Variants in DMD observed in about 807,000 individuals in gnomAD.
DMD encodes the protein dystrophin, also known as mutant dystrophin.
Under a neutral mutation model 330.1 loss-of-function variants are expected in DMD, and 63 were observed. The observed-to-expected ratio is 0.19, with a 90% confidence interval of 0.16 to 0.24. The LOEUF (loss-of-function observed/expected upper bound fraction) is 0.24. Ranked by LOEUF, DMD falls within the 10% of genes least tolerant of loss-of-function variation. The pLI is 1.00. For synonymous variants in DMD, 1,223 were observed against 959.8 expected (o/e 1.27, Z -5.07); for missense variants, 3,344 against 2,684.1 (o/e 1.25, Z -5.43).
At chrX:31,699,959 G>A (rs1462626798) in intron 52 of DMD, among the ~76,000 whole-genome samples, 1 of 111,205 alleles carries the variant, frequency 9.0e-6, no homozygotes, top group Non-Finnish European at 1.9e-5. Context: ...AGGCCGAGGT[G>A]AACGGATCAT....
At chrX:33,039,097 A>G (rs1434258211) in intron 1 of DMD, among the ~76,000 whole-genome samples, 1 of 112,061 alleles carries the variant, frequency 8.9e-6, no homozygotes, top group East Asian at 2.8e-4. Flanking sequence ...CCCGTAGCCT[A>G]TGGGGGTTTC....
At chrX:31,180,582 GA>G (rs753062877) in intron 68 of DMD, 101 bp from the exon 69 acceptor site, 10 of 616,108 alleles carry the variant, frequency 1.6e-5, no homozygotes, top group East Asian at 1.4e-4. Flanking sequence ...TTGAGAAACA[GA>G]AAGCAATGTT....
At chrX:31,213,543 G>C (rs979035851) in intron 64 of DMD, among the ~76,000 whole-genome samples, 2 of 111,970 alleles carry the variant, frequency 1.8e-5, no homozygotes, top group Non-Finnish European at 3.8e-5. Context: ...ATGCATCGTG[G>C]TGTGGCTCTT....
intron 34 of DMD, among the ~76,000 whole-genome samples, chrX:32,373,421 T>C (rs1420800412): frequency 2.8e-5 from 3 of 108,700 alleles, no homozygotes; most frequent in Non-Finnish European, 5.8e-5. Context: ...GGCCACATAG[T>C]AGTTGTTCTA....
intron 44 of DMD, among the ~76,000 whole-genome samples, chrX:32,184,948 C>CT (rs1448810064): frequency 9.3e-6 from 1 of 107,155 alleles, no homozygotes; most frequent in African/African-American, 3.4e-5. Context: ...CTTGGAATGC[C>CT]TTCATGTACT....
intron 1 of DMD, among the ~76,000 whole-genome samples, chrX:33,209,666 C>T (rs915076258): frequency 2.7e-5 from 3 of 111,012 alleles, no homozygotes; most frequent in African/African-American, 9.8e-5. Flanking sequence ...AGTATATCTC[C>T]GTTTTTTCTT....
intron 9 of DMD, among the ~76,000 whole-genome samples, chrX:32,652,651 C>A (rs764067909): frequency 9.0e-6 from 1 of 110,918 alleles, no homozygotes; most frequent in South Asian, 3.9e-4. Flanking sequence ...GGAATATACC[C>A]AGTAATGGGT....
At chrX:33,155,256 A>G (rs1234218764) in intron 1 of DMD, among the ~76,000 whole-genome samples, 1 of 111,084 alleles carries the variant, frequency 9.0e-6, no homozygotes, top group Admixed American at 9.6e-5. Flanking sequence ...CACACTATTA[A>G]TAATCTTCAC....
chrX:32,240,440 C>T (rs1433146533), intron 43 of DMD, among the ~76,000 whole-genome samples: 1 of 111,010 alleles, frequency 9.0e-6, no homozygotes, highest in Non-Finnish European at 1.9e-5. Context: ...AGGAAATGAG[C>T]TTTCACCAGA....
At chrX:32,981,406 T>C (rs1161969456) in intron 2 of DMD, among the ~76,000 whole-genome samples, 2 of 111,571 alleles carry the variant, frequency 1.8e-5, no homozygotes, top group African/African-American at 6.5e-5. Flanking sequence ...TTCAATTTTA[T>C]GCGGTTCATA....
chrX:32,618,031 T>C (rs73463792), intron 11 of DMD, among the ~76,000 whole-genome samples: 7,764 of 111,444 alleles, frequency 0.07, 649 homozygotes, highest in African/African-American at 0.24. Context: ...ATCAGCTTAC[T>C]TGCAAAGAAA....
At chrX:33,272,551 GAT>G (rs917385366) in intron 1 of DMD, among the ~76,000 whole-genome samples, 1 of 111,069 alleles carries the variant, frequency 9.0e-6, no homozygotes, top group African/African-American at 3.3e-5. Context: ...AATATTCTGA[GAT>G]AGAGCTAAAG....
chrX:31,326,728 G>C (rs1245478205), intron 61 of DMD, among the ~76,000 whole-genome samples: 2 of 111,493 alleles, frequency 1.8e-5, no homozygotes, highest in South Asian at 3.8e-4. Context: ...ACGGAATTGG[G>C]TTCAGTGCTC....
intron 62 of DMD, among the ~76,000 whole-genome samples, chrX:31,275,440 T>C (rs961833920): frequency 6.3e-5 from 7 of 111,025 alleles, no homozygotes; most frequent in Non-Finnish European, 1.3e-4. Context: ...AAGCACATTA[T>C]TGAGTTAATA....
intron 44 of DMD, among the ~76,000 whole-genome samples, chrX:32,161,818 A>C (rs2096850311): frequency 8.9e-6 from 1 of 112,090 alleles, no homozygotes; most frequent in Non-Finnish European, 1.9e-5. Flanking sequence ...ACTGATATCC[A>C]AGAAGATAGT....
intron 67 of DMD, among the ~76,000 whole-genome samples, chrX:31,198,045 A>AAT (rs2043087748): frequency 9.6e-6 from 1 of 103,853 alleles, no homozygotes; most frequent in Non-Finnish European, 1.9e-5. Flanking sequence ...AAAAAAAAAA[A>AAT]ATTGAACTCA....
chrX:32,499,329 C>T (rs187919266), intron 19 of DMD, among the ~76,000 whole-genome samples: 1 of 111,557 alleles, frequency 9.0e-6, no homozygotes, highest in Admixed American at 9.6e-5. Flanking sequence ...CATATTTTTA[C>T]ACTATGAATA....
intron 1 of DMD, among the ~76,000 whole-genome samples, chrX:33,028,674 T>A (rs1326652673): frequency 8.9e-6 from 1 of 112,303 alleles, no homozygotes; most frequent in Non-Finnish European, 1.9e-5. Flanking sequence ...ACAATCACAC[T>A]TATCTCCCTG....
intron 50 of DMD, among the ~76,000 whole-genome samples, chrX:31,814,110 C>A (rs776457389): frequency 9.0e-6 from 1 of 110,926 alleles, no homozygotes; most frequent in South Asian, 3.9e-4. Context: ...CAATACTGTG[C>A]TTTCCTAATT....
Sources: gnomAD v4.1 joint callset for allele counts (sites outside exome capture counted in the v4.1 genomes callset) on GRCh38, gnomAD v4.1.1 for gene constraint, MANE v1.5 for transcripts, NCBI Gene and HGNC (gene_info 2026-07-23, HGNC 2026-07-21) for gene names.